The following PPIG variants were observed in gnomAD, a reference collection of about 807,000 sequenced individuals.
The protein encoded by PPIG is peptidylprolyl isomerase G, also known as peptidyl-prolyl cis-trans isomerase G.
A neutral mutation model predicts 87.9 loss-of-function variants in PPIG; 26 were observed. The observed-to-expected ratio is 0.30, with a 90% CI of 0.22 to 0.41. The LOEUF is 0.41. Among genes scored for constraint, PPIG ranks in the 10% least tolerant of loss-of-function variants. PPIG has a pLI of 1.00. For synonymous variants in PPIG, 308 were observed against 276.5 expected (o/e 1.11, Z -1.13); for missense variants, 722 against 879.4 (o/e 0.82, Z 2.26).
chr2:169,631,624 T>G, intron 10 of PPIG, 142 bp from the exon 11 acceptor site: 4 of 1,449,728 alleles, frequency 2.8e-6, no homozygotes, highest in Non-Finnish European at 2.7e-6. Flanking sequence ...AATAGAAGAT[T>G]TTTCCCATGC....
intron 1 of PPIG, among the ~76,000 whole-genome samples, chr2:169,586,724 TTAAA>T (rs1255313854): frequency 1.3e-5 from 2 of 152,306 alleles, no homozygotes; most frequent in Non-Finnish European, 2.9e-5. Flanking sequence ...GGTTAATTCT[TTAAA>T]TAGTAGTTGC....
intron 7 of PPIG, among the ~76,000 whole-genome samples, chr2:169,609,354 T>G (rs967898450): frequency 1.3e-5 from 2 of 151,946 alleles, no homozygotes; most frequent in African/African-American, 2.4e-5. Context: ...GGACTACAGG[T>G]GTGTGCCACC....
chr2:169,593,657 T>TTTC (rs1684934126), intron 1 of PPIG, among the ~76,000 whole-genome samples: 1 of 146,786 alleles, frequency 6.8e-6, no homozygotes, highest in South Asian at 2.2e-4. Context: ...TATCTTTTTT[T>TTTC]TTTTTTTTTT....
intron 1 of PPIG, among the ~76,000 whole-genome samples, chr2:169,589,458 T>C (rs1463717819): frequency 1.3e-5 from 2 of 152,192 alleles, no homozygotes; most frequent in Admixed American, 1.3e-4. Flanking sequence ...CTAAAGAGGC[T>C]GGTAGGAATG....
At chr2:169,624,691 G>A (rs943948056) in intron 9 of PPIG, among the ~76,000 whole-genome samples, 1 of 152,082 alleles carries the variant, frequency 6.6e-6, no homozygotes, top group Admixed American at 6.6e-5. Flanking sequence ...TGGTTCACGC[G>A]ATTCTCCTGC....
chr2:169,584,568 G>A, intron 1 of PPIG, 78 bp downstream of exon 1: 1 of 456,178 alleles, frequency 2.2e-6, no homozygotes, highest in South Asian at 1.6e-5. Flanking sequence ...AAGGGCCTGG[G>A]AAGAGGGGCG....
chr2:169,632,745 AAAAAT>A (rs1686089981), intron 11 of PPIG, among the ~76,000 whole-genome samples: 1 of 112,282 alleles, frequency 8.9e-6, no homozygotes, highest in Non-Finnish European at 1.9e-5. Context: ...ACTCCGTCTC[AAAAAT>A]AATAATAATA....
In PPIG at chr2:169,637,463, A is replaced by G. The variant is rs1235729303; in HGVS notation, c.2205A>G (p.Glu735=). ...SKGQENDHVH[E]KNKKFDHESS... is the part of the protein sequence containing the mutation. ...GTCAAGAAAATGACCATGTACATGA[A>G]AAAAATAAAAAATTTGATCATGAAT... Residue 735 remains glutamate, a synonymous_variant, in exon 14 of 14, where the codon GAA becomes GAG. Transcript: ENST00000260970. 3.7e-6 allele frequency: 6 copies of G among 1,604,224 alleles called. No homozygotes were observed. In the South Asian group the frequency reaches 6.8e-5, roughly 18 times the overall value.
intron 7 of PPIG, among the ~76,000 whole-genome samples, chr2:169,611,450 T>A (rs1165506189): frequency 1.3e-5 from 2 of 152,218 alleles, no homozygotes; most frequent in African/African-American, 2.4e-5. Flanking sequence ...TTATTAATCT[T>A]ATTTTGGGAC....
chr2:169,640,831 A>AGT lies in PPIG; in HGVS notation c.*3310_*3311dup, dbSNP rs1253010227. The AGT allele has an allele frequency of 6.6e-6, 1 of 152,184 alleles. No homozygotes were observed. Among genetic ancestry groups the AGT allele is most frequent in the African/African-American group, 2.4e-5 (1 of 41,454 alleles). 9.4% of individuals were successfully genotyped at this position (152,184 alleles called of 1,614,324 possible). On this transcript the variant is annotated 3_prime_UTR_variant, in exon 14 of 14. Transcript: ENST00000260970. ...TAACTGCCTTCAGTGGATTCGGGCA[A>AGT]GTGCAAAGTCTTTGGCCTATTGTGT...
Position 169,639,409 on chromosome 2 carries a change from C to T in PPIG, c.*1886C>T, listed in dbSNP as rs1437935298. 2.9e-5 allele frequency: 3 copies of T among 103,582 alleles called. No homozygotes were observed. Among genetic ancestry groups the T allele is most frequent in the Admixed American group, 2.5e-4 (3 of 12,060 alleles). The allele number at this position is 103,582 out of a possible 1,614,324, so 6.4% of individuals were successfully genotyped here. On this transcript the variant is annotated 3_prime_UTR_variant, in exon 14 of 14. Transcript: ENST00000260970. The stretch of plus-strand genomic sequence containing the variant: ...CTATTTAAGAAAGGATTTCTAATAA[C>T]AGTTAAATATTTTTTTTAAGTCCAT...
intron 7 of PPIG, among the ~76,000 whole-genome samples, chr2:169,612,714 CACTATATGTATAT>C: frequency 2.0e-5 from 3 of 152,226 alleles, no homozygotes; most frequent in Admixed American, 2.0e-4. Context: ...TGTAATATTC[CACTATATGTATAT>C]ACCACATTTT....
At chr2:169,594,657 C>A (rs1684971087) in intron 1 of PPIG, among the ~76,000 whole-genome samples, 2 of 127,544 alleles carry the variant, frequency 1.6e-5, no homozygotes, top group African/African-American at 3.1e-5. Context: ...GAGACAGAGT[C>A]TCTGTCACCC....
chr2:169,585,561 C>T (rs1156708536), intron 1 of PPIG, among the ~76,000 whole-genome samples: 1 of 152,056 alleles, frequency 6.6e-6, no homozygotes, highest in East Asian at 1.9e-4. Context: ...GCACGGCCAG[C>T]TCATGTTTAG....
intron 1 of PPIG, among the ~76,000 whole-genome samples, chr2:169,601,794 A>G (rs180983542): frequency 6.6e-6 from 1 of 152,322 alleles, no homozygotes; most frequent in East Asian, 1.9e-4. Flanking sequence ...CGTATAATTG[A>G]AATTACAGTA....
intron 1 of PPIG, among the ~76,000 whole-genome samples, chr2:169,594,614 CTCTT>C (rs1485284568): frequency 1.4e-5 from 2 of 138,304 alleles, no homozygotes; most frequent in African/African-American, 5.2e-5. Context: ...TTCAGTTTTA[CTCTT>C]TCTTTTCTTT....
chr2:169,640,869 T>G lies in PPIG; in HGVS notation c.*3346T>G, dbSNP rs962626216. 6.6e-6 allele frequency: 1 copy of G among 152,120 alleles called. No individual in the cohort carries two copies. The highest frequency in any genetic ancestry group is 2.4e-5 in the African/African-American group (1 of 41,424). 9.4% of individuals were successfully genotyped at this position (152,120 alleles called of 1,614,324 possible). On this transcript the variant is annotated 3_prime_UTR_variant, in exon 14 of 14. Coordinates refer to ENST00000260970, the MANE Select transcript of PPIG (RefSeq NM_004792.3). Reference sequence around the variant, plus strand: ...TGGCCTATTGTGTGACAAAGAGGTATATATTAAAGGAAAAGAAAAATGACA... The same window carrying G: ...TGGCCTATTGTGTGACAAAGAGGTAGATATTAAAGGAAAAGAAAAATGACA...
intron 9 of PPIG, among the ~76,000 whole-genome samples, 163 bp downstream of exon 9, chr2:169,614,887 A>G (rs750548325): frequency 1.3e-5 from 2 of 152,110 alleles, no homozygotes; most frequent in Non-Finnish European, 2.9e-5. Flanking sequence ...TAAGTTGACA[A>G]AACTTGTGTA....
chr2:169,609,648 G>A (rs1685431926), intron 7 of PPIG, among the ~76,000 whole-genome samples: 1 of 152,144 alleles, frequency 6.6e-6, no homozygotes, highest in African/African-American at 2.4e-5. Flanking sequence ...TGGTCAAATA[G>A]GAACCAGCAG....
Sources: allele counts gnomAD v4.1 joint callset (sites outside exome capture counted in the v4.1 genomes callset), GRCh38; gene constraint gnomAD v4.1.1; transcripts MANE v1.5; gene names NCBI Gene and HGNC (gene_info 2026-07-23, HGNC 2026-07-21).